DPP6: variants seen among roughly 807,000 people sequenced by gnomAD.
DPP6 encodes the protein dipeptidyl peptidase like 6.
In DPP6, 69 loss-of-function variants were observed where a neutral mutation model predicts 122.6. The observed-to-expected ratio is 0.56, with a 90% CI of 0.46 to 0.69. The LOEUF (loss-of-function observed/expected upper bound fraction) is 0.69, where lower values mean the gene tolerates loss of function less well. Among genes scored for constraint, DPP6 ranks in the 30% least tolerant of loss-of-function variants. The pLI, the probability that DPP6 is intolerant of heterozygous loss-of-function variation, is 0.00. For missense variants in DPP6, 928 were observed against 1,116.9 expected, an observed-to-expected ratio of 0.83 and a Z score of 2.41; for synonymous variants, 418 against 433.1, an observed-to-expected ratio of 0.97 and a Z score of 0.43.
chr7:154,600,564 A>T lies in DPP6; in HGVS notation c.627+33648A>T, dbSNP rs566478957. 1.6e-5 allele frequency among the ~76,000 whole-genome samples: 2 copies of T among 121,734 alleles called. 1 individual carries two copies. The highest frequency in any genetic ancestry group is 6.7e-4 in the South Asian group (2 of 3,004). The allele number at this position is 121,734 out of a possible 152,430, so 79.9% of individuals were successfully genotyped here. Reference sequence around the variant, plus strand: ...AGTATCTCCTTTAATCTTCACAAGAAACCTATTGTGGTAACTCTTACACCA... The same window carrying T: ...AGTATCTCCTTTAATCTTCACAAGATACCTATTGTGGTAACTCTTACACCA... On this transcript the variant is annotated intron_variant, in intron 5 of 25. Transcript: ENST00000377770.
Position 154,755,239 on chromosome 7 carries a change from C to G in DPP6, c.884-14178C>G, listed in dbSNP as rs937076425. Among the ~76,000 whole-genome samples the G allele has an allele frequency of 2.0e-5, 3 of 151,758 alleles. No individual in the cohort carries two copies. Among genetic ancestry groups the G allele is most frequent in the African/African-American group, 7.3e-5 (3 of 41,280 alleles). On this transcript the variant is annotated intron_variant, in intron 8 of 25. Coordinates refer to ENST00000377770, the MANE Select transcript of DPP6 (RefSeq NM_130797.4). The surrounding 1 kb of genome is among the most constrained non-coding windows in gnomAD (Gnocchi z 4.7). ...TACCAGGACACGAATGACAGGCTGC[C>G]TGCCTGTCCGACCCTGGGCCTTATA...
chr7:154,397,541 T>C (rs1422143140), intron 1 of DPP6, among the ~76,000 whole-genome samples: 1 of 152,230 alleles, frequency 6.6e-6, no homozygotes, highest in Non-Finnish European at 1.5e-5. Context: ...ATGTTGTGTG[T>C]GACATGATTT....
At chr7:153,941,168 A>G (rs1801678663) in intron 1 of DPP6, among the ~76,000 whole-genome samples, 1 of 152,248 alleles carries the variant, frequency 6.6e-6, no homozygotes. Context: ...CATAGCAGGC[A>G]TGGAACACAC....
Position 154,052,919 on chromosome 7 carries a change from C to G in DPP6, c.99C>G (p.Pro33=), listed in dbSNP as rs528815814. ...EASHLLGGQG[P]EEDGGAGAKP... is the part of the protein sequence containing the mutation. ...GTCACCTCCTGGGCGGCCAGGGGCC[C>G]GAGGAGGACGGCGGCGCAGGAGCCA... is the stretch of plus-strand genomic sequence containing the variant. The change falls in exon 1 of 26, where the codon CCC becomes CCG. Residue 33 remains proline (P), a synonymous_variant. Transcript: ENST00000377770. This position sits in a 1 kb window ranked among gnomAD's most constrained non-coding sequence, Gnocchi z 4.8. 669 of 1,496,680 alleles carry G rather than the reference C, an allele frequency of 4.5e-4. 1 individual carries two copies. Among genetic ancestry groups the G allele is most frequent in the Non-Finnish European group, 5.4e-4 (601 of 1,122,432 alleles). 92.7% of individuals were successfully genotyped at this position (1,496,680 alleles called of 1,614,324 possible). A position where few individuals can be genotyped will look rare whatever the true frequency, so the allele number is the denominator to read the frequency against.
chr7:154,251,852 G>A (rs906929301), intron 1 of DPP6, among the ~76,000 whole-genome samples: 59 of 152,264 alleles, frequency 3.9e-4, no homozygotes, highest in African/African-American at 1.4e-3. Context: ...CCACATTGAG[G>A]GTGGGTCTAC....
chr7:153,838,220 T>G, the DPP6 span, among the ~76,000 whole-genome samples: 1 of 152,100 alleles, frequency 6.6e-6, no homozygotes, highest in East Asian at 1.9e-4. Context: ...TCCACTGGAT[T>G]CCACACTCCA....
intron 6 of DPP6, among the ~76,000 whole-genome samples, chr7:154,640,095 T>TA (rs375678353): frequency 5.3e-5 from 8 of 151,980 alleles, no homozygotes; most frequent in African/African-American, 1.9e-4. Context: ...CTACTAAAAA[T>TA]ACAAAAATTA....
At chr7:154,137,641 TG>T (rs1221969502) in intron 1 of DPP6, among the ~76,000 whole-genome samples, 1,642 of 27,260 alleles carry the variant, frequency 0.06, 73 homozygotes, top group African/African-American at 0.18. Flanking sequence ...GAGGAGATGG[TG>T]GGGGGGGTGG....
chr7:153,903,374 G>A (rs1400112573), intron 1 of DPP6, among the ~76,000 whole-genome samples: 2 of 152,178 alleles, frequency 1.3e-5, no homozygotes, highest in African/African-American at 4.8e-5. Context: ...TTAGCAATGA[G>A]ATCAGCACTT....
intron 1 of DPP6, among the ~76,000 whole-genome samples, chr7:154,155,988 C>T (rs1796658317): frequency 6.6e-6 from 1 of 152,240 alleles, no homozygotes; most frequent in Non-Finnish European, 1.5e-5. Flanking sequence ...TGCCTTCCTT[C>T]AGAGTTCTAA....
At chr7:154,107,261 A>T (rs566869989) in intron 1 of DPP6, among the ~76,000 whole-genome samples, 4 of 152,382 alleles carry the variant, frequency 2.6e-5, no homozygotes, top group Non-Finnish European at 5.9e-5. Flanking sequence ...GCCTTAAAAA[A>T]GCAGGAGAGT....
At chr7:154,278,375 G>T (rs1804274633) in intron 1 of DPP6, among the ~76,000 whole-genome samples, 1 of 152,200 alleles carries the variant, frequency 6.6e-6, no homozygotes, top group African/African-American at 2.4e-5. Context: ...GGAAGACTTT[G>T]CTTGCTGCTT....
chr7:154,301,807 TTTTTTTG>T (rs1286902497), intron 1 of DPP6, among the ~76,000 whole-genome samples: 3 of 90,310 alleles, frequency 3.3e-5, no homozygotes, highest in African/African-American at 7.8e-5. Context: ...TTTTTTTTTT[TTTTTTTG>T]TTGGAGACAG....
intron 4 of DPP6, among the ~76,000 whole-genome samples, chr7:154,549,917 T>G (rs951274811): frequency 5.9e-5 from 9 of 152,182 alleles, no homozygotes; most frequent in African/African-American, 2.2e-4. Flanking sequence ...GAAAGGTAAA[T>G]GTTTTAATTT....
At chr7:154,683,623 G>A (rs1034029217) in intron 7 of DPP6, among the ~76,000 whole-genome samples, 2 of 152,042 alleles carry the variant, frequency 1.3e-5, no homozygotes, top group African/African-American at 4.8e-5. Flanking sequence ...ATATAATCAT[G>A]TCCATTTTCC....
the DPP6 span, among the ~76,000 whole-genome samples, chr7:153,793,025 A>C: frequency 6.6e-6 from 1 of 152,140 alleles, no homozygotes; most frequent in Non-Finnish European, 1.5e-5. Context: ...GTCCAGTTAA[A>C]CTTCTTTTTC....
intron 7 of DPP6, among the ~76,000 whole-genome samples, chr7:154,688,258 A>G (rs1172673027): frequency 6.6e-6 from 1 of 152,232 alleles, no homozygotes; most frequent in Non-Finnish European, 1.5e-5. Context: ...CATTAAGTCT[A>G]TATACCAATG....
At chr7:154,193,718 G>A (rs915276400) in intron 1 of DPP6, among the ~76,000 whole-genome samples, 5 of 152,104 alleles carry the variant, frequency 3.3e-5, no homozygotes, top group African/African-American at 4.8e-5. Context: ...TGGGTGACAG[G>A]TAGACCACCT....
At chr7:153,840,247 G>A in the DPP6 span, among the ~76,000 whole-genome samples, 2 of 151,796 alleles carry the variant, frequency 1.3e-5, no homozygotes, top group African/African-American at 4.8e-5. Flanking sequence ...TAAAATATCA[G>A]AGAAAAAAAA....
Sources: allele counts gnomAD v4.1 joint callset (sites outside exome capture counted in the v4.1 genomes callset), GRCh38; gene constraint gnomAD v4.1.1; non-coding constraint Gnocchi (gnomAD v3.1); transcripts MANE v1.5; gene names NCBI Gene and HGNC (gene_info 2026-07-23, HGNC 2026-07-21).